CREB5: variants seen among roughly 807,000 people sequenced by gnomAD.
CREB5 encodes the protein cAMP responsive element binding protein 5.
In CREB5, 19 loss-of-function variants were observed where a neutral mutation model predicts 57.1. The ratio of observed to expected loss-of-function variants is 0.33; its 90% confidence interval spans 0.23 to 0.49. CREB5 has a LOEUF of 0.49. CREB5 is among the 20% of genes least tolerant of loss of function. The pLI is 0.99. For synonymous variants in CREB5, 238 were observed against 238.3 expected (o/e 1.00, Z 0.01); for missense variants, 579 against 671.6 (o/e 0.86, Z 1.52).
intron 5 of CREB5, among the ~76,000 whole-genome samples, chr7:28,672,871 T>C (rs1227593017): frequency 6.6e-6 from 1 of 152,228 alleles, no homozygotes. Context: ...CTGTGTGAGA[T>C]TGTATTAACA....
chr7:28,478,828 C>A (rs952251082), intron 1 of CREB5, among the ~76,000 whole-genome samples: 1 of 152,178 alleles, frequency 6.6e-6, no homozygotes, highest in Non-Finnish European at 1.5e-5. Context: ...CTAATTGATA[C>A]CAGCTTAGTC....
intron 5 of CREB5, among the ~76,000 whole-genome samples, chr7:28,676,776 G>C (rs569179773): frequency 6.6e-6 from 1 of 152,274 alleles, no homozygotes; most frequent in South Asian, 2.1e-4. Context: ...GTTACCACTG[G>C]TATCCCTTCC....
chr7:28,324,822 ATACT>A (rs1264129729), intron 1 of CREB5, among the ~76,000 whole-genome samples: 4 of 152,168 alleles, frequency 2.6e-5, no homozygotes, highest in African/African-American at 7.2e-5. Flanking sequence ...AGAACGGTTG[ATACT>A]TTCTTTCCCT....
At chr7:28,775,543 C>CATATATATATATAT (rs56224961) in intron 7 of CREB5, among the ~76,000 whole-genome samples, 139 of 120,664 alleles carry the variant, frequency 1.2e-3, no homozygotes, top group African/African-American at 2.4e-3. Context: ...ATTCCTTAGC[C>CATATATATATATAT]ATATATATAT....
At chr7:28,657,961 G>C (rs1008018313) in intron 5 of CREB5, among the ~76,000 whole-genome samples, 3 of 152,156 alleles carry the variant, frequency 2.0e-5, no homozygotes, top group African/African-American at 7.2e-5. Flanking sequence ...TGAACAAAAT[G>C]ATGAACTGCT....
intron 5 of CREB5, among the ~76,000 whole-genome samples, chr7:28,707,655 CA>C (rs1429838497): frequency 6.6e-6 from 1 of 152,164 alleles, no homozygotes; most frequent in African/African-American, 2.4e-5. Context: ...CAGACAGGGA[CA>C]AGTCTATTTT....
At position 28,391,268 on chromosome 7, in the gene CREB5, G is replaced by A. The variant is rs565986947; in HGVS notation, c.-25+91827G>A. Among the ~76,000 whole-genome samples, 5 of 152,098 alleles carry A rather than the reference G, an allele frequency of 3.3e-5. No individual in the cohort carries two copies. In the South Asian group the frequency reaches 8.3e-4, roughly 25 times the overall value. On this transcript the variant is annotated intron_variant, in intron 1 of 9. Transcript: ENST00000396299. ...TGGTAATAATCACACCTCTCTTAAC[G>A]GGTGGCGTGCTGATCAAATAAGTTC...
chr7:28,669,736 TA>T (rs1274192753), intron 5 of CREB5, among the ~76,000 whole-genome samples: 1 of 152,218 alleles, frequency 6.6e-6, no homozygotes, highest in African/African-American at 2.4e-5. Flanking sequence ...CTCATAGAAG[TA>T]AAGCATTTAC....
chr7:28,488,481 A>T (rs1026048315), intron 2 of CREB5, among the ~76,000 whole-genome samples: 2 of 152,262 alleles, frequency 1.3e-5, no homozygotes, highest in Middle Eastern at 3.4e-3. Flanking sequence ...AGTGTTAGGC[A>T]TTTCTGCCCT....
At chr7:28,314,376 T>C (rs1785337497) in intron 1 of CREB5, among the ~76,000 whole-genome samples, 1 of 152,220 alleles carries the variant, frequency 6.6e-6, no homozygotes, top group South Asian at 2.1e-4. Context: ...GGTGCTGTCT[T>C]TATCATCCAT....
At chr7:28,568,619 A>G (rs1795574241) in intron 4 of CREB5, among the ~76,000 whole-genome samples, 1 of 152,196 alleles carries the variant, frequency 6.6e-6, no homozygotes, top group African/African-American at 2.4e-5. Flanking sequence ...CACATCAGAA[A>G]AATTTTCCAG....
upstream of CREB5, among the ~76,000 whole-genome samples, chr7:28,408,414 G>GGATGGTGACAGT (rs775076834): frequency 9.9e-5 from 15 of 152,178 alleles, no homozygotes; most frequent in Admixed American, 2.6e-4. Context: ...TTCAGCAGGG[G>GGATGGTGACAGT]GATGGTGACA....
At chr7:28,494,827 T>G (rs1255280187) in intron 2 of CREB5, 79 bp from the exon 3 acceptor site, 1 of 944,160 alleles carries the variant, frequency 1.1e-6, no homozygotes, top group East Asian at 2.7e-5. Flanking sequence ...ATAAGTCTTT[T>G]TCTCAATAAT....
At chr7:28,682,167 A>C (rs1380920152) in intron 5 of CREB5, among the ~76,000 whole-genome samples, 2 of 152,228 alleles carry the variant, frequency 1.3e-5, no homozygotes, top group Non-Finnish European at 2.9e-5. Flanking sequence ...GTTACACGAC[A>C]GGAGTCACCA....
intron 7 of CREB5, among the ~76,000 whole-genome samples, chr7:28,728,051 T>C (rs547582726): frequency 1.9e-3 from 291 of 152,274 alleles, no homozygotes; most frequent in African/African-American, 6.7e-3. Flanking sequence ...GCTGAAGCAA[T>C]CCTTCCACCT....
chr7:28,314,030 GA>G (rs1785330073), intron 1 of CREB5, among the ~76,000 whole-genome samples: 1 of 152,168 alleles, frequency 6.6e-6, no homozygotes. Context: ...TTTCAGAAAA[GA>G]ATAAGAGAAT....
intron 5 of CREB5, among the ~76,000 whole-genome samples, chr7:28,644,069 T>C (rs1798794888): frequency 6.8e-6 from 1 of 147,202 alleles, no homozygotes; most frequent in South Asian, 2.1e-4. Flanking sequence ...CAGAACAAGA[T>C]TCAGTGTCAA....
chr7:28,546,224 C>A (rs982597703), intron 4 of CREB5, among the ~76,000 whole-genome samples: 5 of 152,186 alleles, frequency 3.3e-5, no homozygotes, highest in African/African-American at 1.2e-4. Context: ...GTCAGAATTT[C>A]ATTCTCTTTA....
chr7:28,629,747 T>A (rs1203040961), intron 5 of CREB5, among the ~76,000 whole-genome samples: 2 of 152,334 alleles, frequency 1.3e-5, no homozygotes, highest in Admixed American at 1.3e-4. Flanking sequence ...AGGGATGGCA[T>A]CTATTAAATT....
Sources: allele counts gnomAD v4.1 joint callset (sites outside exome capture counted in the v4.1 genomes callset), GRCh38; gene constraint gnomAD v4.1.1; transcripts MANE v1.5; gene names NCBI Gene and HGNC (gene_info 2026-07-23, HGNC 2026-07-21).